PRKG1: variants seen among roughly 807,000 people sequenced by gnomAD.
The protein encoded by PRKG1 is cGMP-dependent protein kinase 1.
Under a neutral mutation model 88.1 loss-of-function variants are expected in PRKG1, and 35 were observed. The ratio of observed to expected loss-of-function variants is 0.40; its 90% confidence interval spans 0.30 to 0.53. The LOEUF is 0.53. PRKG1 is among the 20% of genes least tolerant of loss of function. The pLI is 0.59. For missense variants in PRKG1, 540 were observed against 839.8 expected (o/e 0.64, Z 4.41); for synonymous variants, 303 against 292.5 (o/e 1.04, Z -0.37).
At chr10:52,267,262 T>C (rs1485369207) in intron 10 of PRKG1, among the ~76,000 whole-genome samples, 1 of 151,978 alleles carries the variant, frequency 6.6e-6, no homozygotes, top group African/African-American at 2.4e-5. Context: ...TTAAAAAAAA[T>C]TTTTGTGGCC....
chr10:51,697,909 ACCT>A, intron 3 of PRKG1: 1 of 1,600,122 alleles, frequency 6.2e-7, no homozygotes, highest in Non-Finnish European at 8.5e-7. Context: ...CCCCCTGTAT[ACCT>A]CCTCCTTGTA....
chr10:51,990,041 A>T (rs942226530), intron 5 of PRKG1, among the ~76,000 whole-genome samples: 1 of 152,054 alleles, frequency 6.6e-6, no homozygotes, highest in East Asian at 1.9e-4. Flanking sequence ...ATGCTTTTGC[A>T]TGTGGATATC....
Position 51,464,115 on chromosome 10 carries a change from A to G in PRKG1, c.479-3608A>G, listed in dbSNP as rs997813221. Among the ~76,000 whole-genome samples the G allele has an allele frequency of 2.1e-5, 3 of 142,428 alleles. No individual in the cohort carries two copies. In the Admixed American group the frequency reaches 2.1e-4, roughly 10 times the overall value. The allele number at this position is 142,428 out of a possible 152,430, so 93.4% of individuals were successfully genotyped here. On this transcript the variant is annotated intron_variant, in intron 2 of 17. Transcript: ENST00000373980. ...TGAAAACCCATCTCTACTAAAATAC[A>G]AAAAGAAAAAAAAAAATTGCCTGGC...
At chr10:51,075,858 G>A (rs926754100) in intron 1 of PRKG1, among the ~76,000 whole-genome samples, 5 of 152,182 alleles carry the variant, frequency 3.3e-5, no homozygotes, top group Admixed American at 3.3e-4. Flanking sequence ...AGAGTAAAGC[G>A]ACAGGAACAT....
At chr10:51,017,379 C>T (rs892768501) in intron 1 of PRKG1, among the ~76,000 whole-genome samples, 8 of 152,050 alleles carry the variant, frequency 5.3e-5, no homozygotes, top group African/African-American at 1.9e-4. Context: ...TCACTGACTC[C>T]CCTTTTAGTG....
intron 3 of PRKG1, among the ~76,000 whole-genome samples, chr10:51,585,528 T>A (rs984876820): frequency 6.6e-6 from 1 of 152,152 alleles, no homozygotes; most frequent in Non-Finnish European, 1.5e-5. Context: ...GTTTATAACA[T>A]AAATACTTGC....
intron 3 of PRKG1, among the ~76,000 whole-genome samples, chr10:51,629,706 C>T (rs908748995): frequency 2.0e-5 from 3 of 152,136 alleles, no homozygotes; most frequent in African/African-American, 7.2e-5. Context: ...TGATTTCAAG[C>T]AATTGACCCT....
rs56045527 is a variant in PRKG1, at chr10:51,549,120, CTT to C, written c.592+81304_592+81305del. On this transcript the variant is annotated intron_variant, in intron 3 of 17. Coordinates refer to ENST00000373980, the MANE Select transcript of PRKG1 (RefSeq NM_006258.4). ...TTCTTTCCTTTCTTTCTTTTCTTTT[CTT>C]TTTTTTTTTTTTTTTTTTTGAGACA... Among the ~76,000 whole-genome samples, 475 of 70,350 alleles carry C rather than the reference CTT, an allele frequency of 6.8e-3. 2 individuals are homozygous for C. The highest frequency in any genetic ancestry group is 0.025 in the African/African-American group (446 of 17,894). 46.2% of individuals were successfully genotyped at this position (70,350 alleles called of 152,430 possible). A position where few individuals can be genotyped will look rare whatever the true frequency, so the allele number is the denominator to read the frequency against.
intron 4 of PRKG1, among the ~76,000 whole-genome samples, chr10:51,898,157 C>T (rs1037619223): frequency 6.6e-6 from 1 of 152,124 alleles, no homozygotes; most frequent in South Asian, 2.1e-4. Flanking sequence ...ATCCAGTTAT[C>T]TATCTCCCTC....
At chr10:51,167,199 C>T (rs570585634) in intron 2 of PRKG1, among the ~76,000 whole-genome samples, 2 of 152,228 alleles carry the variant, frequency 1.3e-5, no homozygotes, top group African/African-American at 2.4e-5. Flanking sequence ...GAAAGAGAAT[C>T]GTGGAGGCAA....
chr10:51,800,725 G>A (rs1235174668), intron 3 of PRKG1, among the ~76,000 whole-genome samples: 1 of 152,048 alleles, frequency 6.6e-6, no homozygotes, highest in Non-Finnish European at 1.5e-5. Context: ...CAGAGAGGCT[G>A]GCTTCTTGCT....
At chr10:51,399,575 G>A (rs1050452563) in intron 2 of PRKG1, among the ~76,000 whole-genome samples, 2 of 152,172 alleles carry the variant, frequency 1.3e-5, no homozygotes, top group African/African-American at 4.8e-5. Flanking sequence ...ATGAGAGGCA[G>A]AGCCCCTTTC....
At chr10:51,909,193 A>C (rs1842159936) in intron 5 of PRKG1, 1 of 152,240 alleles carries the variant, frequency 6.6e-6, no homozygotes, top group Non-Finnish European at 1.5e-5. Context: ...CTGGAAGAAC[A>C]GTACACTGAG....
intron 9 of PRKG1, among the ~76,000 whole-genome samples, chr10:52,181,139 A>G (rs536549029): frequency 6.6e-6 from 1 of 152,114 alleles, no homozygotes; most frequent in East Asian, 1.9e-4. Flanking sequence ...CCTCAGGGCC[A>G]TTTCTCAGGA....
chr10:51,518,860 ATC>A (rs1841663136), intron 3 of PRKG1, among the ~76,000 whole-genome samples: 1 of 152,202 alleles, frequency 6.6e-6, no homozygotes, highest in Non-Finnish European at 1.5e-5. Flanking sequence ...AAACAATATA[ATC>A]TACTCTTTGA....
At chr10:51,090,298 T>C (rs1003996109) in intron 1 of PRKG1, among the ~76,000 whole-genome samples, 5 of 152,040 alleles carry the variant, frequency 3.3e-5, no homozygotes, top group African/African-American at 1.2e-4. Flanking sequence ...TGGAAGAACA[T>C]GAGATGGAAA....
chr10:52,110,145 G>C lies in PRKG1; in HGVS notation c.936-23695G>C, dbSNP rs947638095. Among the ~76,000 whole-genome samples, 7 of 151,936 alleles carry C rather than the reference G, an allele frequency of 4.6e-5. No individual in the cohort carries two copies. The East Asian group carries it at 1.2e-3, about 25-fold the overall frequency. On this transcript the variant is annotated intron_variant, in intron 7 of 17. Transcript: ENST00000373980. ...GGGCGGATCACGAGGTCAGGAGATT[G>C]AGACCATCCTGGCTAACATGGTGAA...
At chr10:52,240,129 C>T (rs1840821354) in intron 9 of PRKG1, among the ~76,000 whole-genome samples, 1 of 152,146 alleles carries the variant, frequency 6.6e-6, no homozygotes, top group Non-Finnish European at 1.5e-5. Context: ...TCTGTCATCT[C>T]CTGTAAGTAT....
intron 1 of PRKG1, among the ~76,000 whole-genome samples, chr10:51,126,331 T>A (rs1845415568): frequency 7.6e-6 from 1 of 130,768 alleles, no homozygotes; most frequent in Non-Finnish European, 1.6e-5. Flanking sequence ...GTTTTTATAT[T>A]TTATATTATT....
Sources: allele counts gnomAD v4.1 joint callset (sites outside exome capture counted in the v4.1 genomes callset), GRCh38; gene constraint gnomAD v4.1.1; transcripts MANE v1.5; gene names NCBI Gene and HGNC (gene_info 2026-07-23, HGNC 2026-07-21).